The following MED13 variants were observed in gnomAD, a reference collection of about 807,000 sequenced individuals.
MED13 encodes the protein mediator of RNA polymerase II transcription subunit 13.
In MED13, 23 loss-of-function variants were observed where a neutral mutation model predicts 225.2. The ratio of observed to expected loss-of-function variants is 0.10; its 90% CI spans 0.07 to 0.14. The LOEUF (loss-of-function observed/expected upper bound fraction) is 0.14, where lower values mean the gene tolerates loss of function less well. Among genes scored for constraint, MED13 ranks in the 10% least tolerant of loss-of-function variants. The pLI is 1.00. For synonymous variants in MED13, 942 were observed against 889.2 expected, an observed-to-expected ratio of 1.06 and a Z score of -1.06; for missense variants, 2,197 against 2,594.5, an observed-to-expected ratio of 0.85 and a Z score of 3.33.
intron 12 of MED13, among the ~76,000 whole-genome samples, chr17:61,985,975 T>C (rs1247597940): frequency 1.3e-5 from 2 of 152,234 alleles, no homozygotes; most frequent in African/African-American, 2.4e-5. Flanking sequence ...CAAGTTTTAC[T>C]ATCTCCAAGC....
intron 9 of MED13, among the ~76,000 whole-genome samples, chr17:61,998,594 GC>G (rs2068459261): frequency 1.5e-5 from 2 of 135,934 alleles, no homozygotes; most frequent in Admixed American, 7.3e-5. Flanking sequence ...TCTTCCCACC[GC>G]CTTTTTTTTT....
intron 11 of MED13, among the ~76,000 whole-genome samples, chr17:61,987,780 C>T (rs970978768): frequency 3.9e-5 from 6 of 151,956 alleles, no homozygotes; most frequent in African/African-American, 7.3e-5. Context: ...GACGGGGTCT[C>T]GCTCTGTCAC....
At chr17:61,964,874 T>G in intron 20 of MED13, 132 bp downstream of exon 20, 1 of 796,402 alleles carries the variant, frequency 1.3e-6, no homozygotes, top group Non-Finnish European at 1.9e-6. Flanking sequence ...AGGCAGAGGT[T>G]GCAGTGAGTG....
Position 61,944,468 on chromosome 17 carries a change from CTTTAAA to C in MED13, c.*1994_*1999del, listed in dbSNP as rs1002206810. On this transcript the variant is annotated 3_prime_UTR_variant, in exon 30 of 30. Coordinates refer to ENST00000397786, the MANE Select transcript of MED13 (RefSeq NM_005121.3). ...TTAAAAACAAATGCAGAGAGGTGAT[CTTTAAA>C]TTTAATATCAAAATATGCTGACCAT... is the stretch of plus-strand genomic sequence containing the variant. The C allele has an allele frequency of 4.7e-5, 7 of 150,252 alleles. No homozygotes were observed. Among genetic ancestry groups the C allele is most frequent in the African/African-American group, 1.7e-4 (7 of 40,844 alleles). 9.3% of individuals were successfully genotyped at this position (150,252 alleles called of 1,614,324 possible).
At chr17:61,957,418 C>G (rs1419495433) in intron 23 of MED13, among the ~76,000 whole-genome samples, 1 of 151,828 alleles carries the variant, frequency 6.6e-6, no homozygotes, top group Non-Finnish European at 1.5e-5. Context: ...GGCATGATCT[C>G]TGCTCACTGC....
At chr17:62,033,666 A>G in intron 5 of MED13, 121 bp downstream of exon 5, 1 of 905,982 alleles carries the variant, frequency 1.1e-6, no homozygotes, top group South Asian at 1.7e-5. Flanking sequence ...CAGGAAATTA[A>G]GGAATAAATC....
At chr17:61,967,793 T>C (rs545504668) in intron 18 of MED13, among the ~76,000 whole-genome samples, 1 of 152,318 alleles carries the variant, frequency 6.6e-6, no homozygotes, top group East Asian at 1.9e-4. Context: ...AAAAGGGATA[T>C]ATATCTATAT....
intron 8 of MED13, among the ~76,000 whole-genome samples, chr17:62,017,219 T>TAAAAAAAAAAAA (rs555881211): frequency 2.4e-5 from 2 of 84,242 alleles, no homozygotes; most frequent in African/African-American, 9.0e-5. Context: ...ACTAAAATGC[T>TAAAAAAAAAAAA]AAAAAAAAAA....
intron 14 of MED13, 73 bp from the exon 15 acceptor site, chr17:61,984,440 T>C (rs2080231309): frequency 9.4e-6 from 11 of 1,175,052 alleles, no homozygotes; most frequent in Admixed American, 2.8e-5. Context: ...AAACAGGCTC[T>C]GGACCTTTTT....
chr17:61,995,058 A>G (rs2080335789), intron 10 of MED13, 94 bp downstream of exon 10: 1 of 922,362 alleles, frequency 1.1e-6, no homozygotes, highest in African/African-American at 1.7e-5. Flanking sequence ...ATTCTAAGAC[A>G]AAAGAAGTGA....
chr17:61,984,068 T>C (rs148598944), intron 15 of MED13, 103 bp downstream of exon 15: 1 of 944,270 alleles, frequency 1.1e-6, no homozygotes, highest in Non-Finnish European at 1.5e-6. Context: ...TTTTAGAATT[T>C]TCAAAAACCA....
intron 9 of MED13, among the ~76,000 whole-genome samples, chr17:62,002,217 C>T (rs745397426): frequency 6.6e-6 from 1 of 152,030 alleles, no homozygotes; most frequent in Non-Finnish European, 1.5e-5. Flanking sequence ...GGGCTGGGCA[C>T]GGTGGCTCAC....
intron 10 of MED13, 35 bp from the exon 11 acceptor site, chr17:61,992,656 A>G (rs1263735512): frequency 1.4e-6 from 2 of 1,412,152 alleles, no homozygotes; most frequent in African/African-American, 1.4e-5. Context: ...GCTGAAATAT[A>G]TAATTTACCA....
intron 12 of MED13, among the ~76,000 whole-genome samples, chr17:61,986,006 C>G (rs1037111733): frequency 6.6e-6 from 1 of 152,144 alleles, no homozygotes; most frequent in African/African-American, 2.4e-5. Flanking sequence ...GTTTTCAGAG[C>G]TAACATTTGT....
intron 8 of MED13, among the ~76,000 whole-genome samples, chr17:62,023,745 C>T (rs1293388414): frequency 2.7e-5 from 4 of 148,284 alleles, no homozygotes; most frequent in East Asian, 4.1e-4. Context: ...GTATGCCCCC[C>T]AACCTCCTAT....
chr17:61,978,014 A>T (rs987585977), intron 16 of MED13, among the ~76,000 whole-genome samples: 1 of 152,208 alleles, frequency 6.6e-6, no homozygotes, highest in Non-Finnish European at 1.5e-5. Flanking sequence ...TATACCAGGT[A>T]AAGCTCAATA....
rs377101200 is a variant in MED13, at chr17:61,976,166, T to C, written c.3806-3278A>G. On this transcript the variant is annotated intron_variant, in intron 16 of 29. Coordinates refer to ENST00000397786, the MANE Select transcript of MED13 (RefSeq NM_005121.3). ...CCAAAAAGTGGAAAAAATCTAAATA[T>C]CCATCAACTAATGAATGGATAAATA... 5.1e-4 allele frequency among the ~76,000 whole-genome samples: 78 copies of C among 152,250 alleles called. No homozygotes were observed. In the South Asian group the frequency reaches 0.016, roughly 32 times the overall value.
At position 61,952,955 on chromosome 17, in the gene MED13, A is replaced by G; in HGVS notation, c.6117+10T>C. 6.2e-7 allele frequency: 1 copy of G among 1,609,128 alleles called. No homozygotes were observed. Among genetic ancestry groups the G allele is most frequent in the Non-Finnish European group, 8.5e-7 (1 of 1,178,612 alleles). On this transcript the variant is annotated intron_variant, in intron 27 of 29. Coordinates refer to ENST00000397786, the MANE Select transcript of MED13 (RefSeq NM_005121.3). Reference sequence around the variant, plus strand: ...CGGCCGAGAAAAACTAAAACTTGTAACACAGTTACCTTGCCCGCATCACCT... The same window carrying G: ...CGGCCGAGAAAAACTAAAACTTGTAGCACAGTTACCTTGCCCGCATCACCT...
intron 8 of MED13, 68 bp downstream of exon 8, chr17:62,029,473 G>T: frequency 8.6e-7 from 1 of 1,166,918 alleles, no homozygotes; most frequent in South Asian, 1.3e-5. Context: ...CAAATAAAGT[G>T]GGCATAAGCA....
Sources: allele counts gnomAD v4.1 joint callset (sites outside exome capture counted in the v4.1 genomes callset), GRCh38; gene constraint gnomAD v4.1.1; transcripts MANE v1.5; gene names NCBI Gene and HGNC (gene_info 2026-07-23, HGNC 2026-07-21).